Variants in KLHDC1 observed in about 807,000 individuals in gnomAD.
KLHDC1 encodes kelch domain-containing protein 1.
Under a neutral mutation model 68.3 loss-of-function variants are expected in KLHDC1, and 53 were observed. That is an observed-to-expected ratio of 0.78 (90% confidence interval 0.62 to 0.98). The LOEUF (loss-of-function observed/expected upper bound fraction) is 0.98. KLHDC1 is among the 50% of genes least tolerant of loss of function. KLHDC1 has a pLI of 0.00. For missense variants in KLHDC1, 470 were observed against 492.3 expected (o/e 0.95, Z 0.43); for synonymous variants, 148 against 159.0 (o/e 0.93, Z 0.52).
rs758199806 is a variant in KLHDC1, at chr14:49,709,636, C to T, written c.168-73C>T. ...GTGACAGTTTTCACTGACAAAAGTA[C>T]TCATGGAGTTTAAAGAGAATTTTAA... On this transcript the variant is annotated intron_variant, in intron 2 of 12. Coordinates refer to ENST00000359332, the MANE Select transcript of KLHDC1 (RefSeq NM_172193.3). 62 of 726,190 alleles carry T rather than the reference C, an allele frequency of 8.5e-5. No individual in the cohort carries two copies. The East Asian group carries it at 1.7e-3, about 20-fold the overall frequency. 45.0% of individuals were successfully genotyped at this position (726,190 alleles called of 1,614,324 possible). A position where few individuals can be genotyped will look rare whatever the true frequency, so the allele number is the denominator to read the frequency against.
intron 4 of KLHDC1, among the ~76,000 whole-genome samples, chr14:49,714,368 G>A (rs578160729): frequency 1.3e-5 from 2 of 152,036 alleles, no homozygotes; most frequent in South Asian, 4.2e-4. Flanking sequence ...AGCTACTTAG[G>A]AGGATGAGGC....
At chr14:49,707,266 ATT>A (rs1888073593) in intron 1 of KLHDC1, among the ~76,000 whole-genome samples, 1 of 129,288 alleles carries the variant, frequency 7.7e-6, no homozygotes, top group African/African-American at 3.0e-5. Context: ...ACGCTTTTCT[ATT>A]TTTATGTGTG....
At chr14:49,710,074 A>G (rs1423720609) in intron 3 of KLHDC1, among the ~76,000 whole-genome samples, 189 bp from the exon 4 acceptor site, 1 of 152,136 alleles carries the variant, frequency 6.6e-6, no homozygotes, top group Non-Finnish European at 1.5e-5. Flanking sequence ...ACTCATTTTA[A>G]TATGTTTTAT....
chr14:49,722,569 T>G (rs1318953247), intron 4 of KLHDC1, among the ~76,000 whole-genome samples: 3 of 152,250 alleles, frequency 2.0e-5, no homozygotes, highest in Non-Finnish European at 4.4e-5. Flanking sequence ...CTAAAGATGC[T>G]AATTTGGGGC....
Position 49,752,246 on chromosome 14 carries a change from A to G in KLHDC1, c.*474A>G, listed in dbSNP as rs1889335066. On this transcript the variant is annotated 3_prime_UTR_variant, in exon 13 of 13. Transcript: ENST00000359332. ...TTGAATAACTAATACAGTGGGTCAA[A>G]TATTATAAAATAGGCAAACACCAAA... The G allele has an allele frequency of 6.6e-6, 1 of 152,240 alleles. No individual in the cohort carries two copies. The highest frequency in any genetic ancestry group is 2.1e-4 in the South Asian group (1 of 4,824). The allele number at this position is 152,240 out of a possible 1,614,324, so 9.4% of individuals were successfully genotyped here.
chr14:49,705,834 A>G (rs1440568941), intron 1 of KLHDC1, among the ~76,000 whole-genome samples: 5 of 152,070 alleles, frequency 3.3e-5, no homozygotes, highest in Non-Finnish European at 5.9e-5. Flanking sequence ...TTTTTCACTG[A>G]TTGAAAAATT....
At chr14:49,699,284 C>A (rs938874218) in intron 1 of KLHDC1, among the ~76,000 whole-genome samples, 1 of 151,146 alleles carries the variant, frequency 6.6e-6, no homozygotes, top group African/African-American at 2.4e-5. Context: ...CTGGAAAATA[C>A]AACACAGATG....
At chr14:49,694,671 T>C (rs1887681435) in intron 1 of KLHDC1, among the ~76,000 whole-genome samples, 1 of 151,910 alleles carries the variant, frequency 6.6e-6, no homozygotes, top group South Asian at 2.1e-4. Flanking sequence ...CTGGCCAACA[T>C]GGTGAAACCC....
intron 4 of KLHDC1, among the ~76,000 whole-genome samples, chr14:49,714,649 G>A (rs1365978422): frequency 6.6e-6 from 1 of 151,868 alleles, no homozygotes; most frequent in Non-Finnish European, 1.5e-5. Flanking sequence ...GTGGTGGCAT[G>A]CTATGCACCT....
chr14:49,743,727 A>G, intron 11 of KLHDC1, 26 bp from the exon 12 acceptor site: 5 of 1,465,818 alleles, frequency 3.4e-6, no homozygotes, highest in Non-Finnish European at 4.7e-6. Flanking sequence ...TCAAAAACTT[A>G]ATAATGCCTT....
chr14:49,729,132 AATTTT>A, intron 7 of KLHDC1, 123 bp downstream of exon 7: 1 of 665,834 alleles, frequency 1.5e-6, no homozygotes, highest in Non-Finnish European at 2.7e-6. Flanking sequence ...ATTCAATACT[AATTTT>A]ATTTATCTTC....
At chr14:49,707,293 T>A (rs1389342678) in intron 1 of KLHDC1, among the ~76,000 whole-genome samples, 4 of 139,626 alleles carry the variant, frequency 2.9e-5, no homozygotes, top group Non-Finnish European at 6.3e-5. Flanking sequence ...TGTGTGTGTG[T>A]GTGTGAGAGA....
intron 10 of KLHDC1, among the ~76,000 whole-genome samples, chr14:49,738,596 C>A (rs936007321): frequency 6.6e-6 from 1 of 152,184 alleles, no homozygotes; most frequent in African/African-American, 2.4e-5. Flanking sequence ...GATCTGCCCA[C>A]CTCAGCCTCC....
intron 10 of KLHDC1, among the ~76,000 whole-genome samples, chr14:49,737,882 A>G (rs1594679170): frequency 6.6e-6 from 1 of 151,720 alleles, no homozygotes; most frequent in East Asian, 1.9e-4. Flanking sequence ...AAAAAAAAAA[A>G]AAAACAAGGA....
chr14:49,740,377 C>G (rs1889032009), intron 11 of KLHDC1, among the ~76,000 whole-genome samples, 195 bp downstream of exon 11: 2 of 151,780 alleles, frequency 1.3e-5, no homozygotes, highest in Non-Finnish European at 2.9e-5. Flanking sequence ...TTGCTCTGTC[C>G]CCCAGGCTGG....
intron 4 of KLHDC1, among the ~76,000 whole-genome samples, chr14:49,714,770 C>G (rs1284391112): frequency 6.7e-6 from 1 of 149,882 alleles, no homozygotes; most frequent in Non-Finnish European, 1.5e-5. Context: ...GACTCATATA[C>G]TATACTATAC....
At chr14:49,729,246 C>G (rs1888744449) in intron 7 of KLHDC1, among the ~76,000 whole-genome samples, 1 of 152,132 alleles carries the variant, frequency 6.6e-6, no homozygotes, top group African/African-American at 2.4e-5. Flanking sequence ...AAATTAATTT[C>G]TTGTCATCTA....
At chr14:49,732,666 A>T in intron 8 of KLHDC1, 38 bp from the exon 9 acceptor site, 2 of 1,029,278 alleles carry the variant, frequency 1.9e-6, no homozygotes, top group Non-Finnish European at 2.9e-6. Context: ...TATTTTGATT[A>T]ATATAGTACC....
At chr14:49,725,506 A>G (rs1193381972) in intron 5 of KLHDC1, 180 bp from the exon 6 acceptor site, 4 of 459,656 alleles carry the variant, frequency 8.7e-6, no homozygotes, top group Non-Finnish European at 1.6e-5. Context: ...TGGTGCTGCT[A>G]CTGGTCTGGG....
Sources: allele counts gnomAD v4.1 joint callset (sites outside exome capture counted in the v4.1 genomes callset), GRCh38; gene constraint gnomAD v4.1.1; transcripts MANE v1.5; gene names NCBI Gene and HGNC (gene_info 2026-07-23, HGNC 2026-07-21).